Variants in NEDD4L observed in about 807,000 individuals in gnomAD.
NEDD4L encodes the protein NEDD4 like E3 ubiquitin protein ligase.
Under a neutral mutation model 148.9 loss-of-function variants are expected in NEDD4L, and 54 were observed. The observed-to-expected ratio is 0.36, with a 90% CI of 0.29 to 0.45. NEDD4L has a LOEUF of 0.45. Among genes scored for constraint, NEDD4L ranks in the 20% least tolerant of loss-of-function variants. The pLI is 1.00. For missense variants in NEDD4L, 856 were observed against 1,233.8 expected, an observed-to-expected ratio of 0.69 and a Z score of 4.59; for synonymous variants, 433 against 440.7, an observed-to-expected ratio of 0.98 and a Z score of 0.22.
In NEDD4L at chr18:58,399,033, C is replaced by A. The variant is rs889464664; in HGVS notation, c.*2764C>A. On this transcript the variant is annotated 3_prime_UTR_variant, in exon 31 of 31. Coordinates refer to ENST00000400345, the MANE Select transcript of NEDD4L (RefSeq NM_001144967.3). ...TGCTGAAGCTGTAGTTATTATGGGCCACTTACATGAGGCTGAGAAGTACGT... is the reference window on the plus strand; with the variant it reads ...TGCTGAAGCTGTAGTTATTATGGGCAACTTACATGAGGCTGAGAAGTACGT... 6.6e-6 allele frequency: 1 copy of A among 152,234 alleles called. No individual in the cohort carries two copies. The highest frequency in any genetic ancestry group is 2.4e-5 in the African/African-American group (1 of 41,444). 9.4% of individuals were successfully genotyped at this position (152,234 alleles called of 1,614,324 possible).
intron 1 of NEDD4L, among the ~76,000 whole-genome samples, chr18:58,062,434 G>A (rs558066493): frequency 6.6e-6 from 1 of 152,144 alleles, no homozygotes; most frequent in East Asian, 1.9e-4. Flanking sequence ...GAGCAAACAG[G>A]GCCTCAAGTT....
intron 2 of NEDD4L, among the ~76,000 whole-genome samples, chr18:58,218,288 G>A (rs1251401028): frequency 1.3e-5 from 2 of 152,180 alleles, no homozygotes; most frequent in African/African-American, 2.4e-5. Flanking sequence ...GTAGTCAACA[G>A]TATTGAGCAA....
rs147644149 is a variant in NEDD4L, at chr18:58,160,998, A to G, written c.49-4790A>G. 7.4e-3 allele frequency among the ~76,000 whole-genome samples: 1,125 copies of G among 151,958 alleles called. 9 individuals carry two copies. Among genetic ancestry groups the G allele is most frequent in the Middle Eastern group, 0.02 (6 of 294 alleles). On this transcript the variant is annotated intron_variant, in intron 1 of 30. Transcript: ENST00000400345. ...TTGTGAGTCACCTAAAAAATAACTC[A>G]TAGGGTTGTTTTTCTTTCTTTCTTT...
At chr18:58,298,420 A>G (rs1353446492) in intron 5 of NEDD4L, among the ~76,000 whole-genome samples, 3 of 152,216 alleles carry the variant, frequency 2.0e-5, no homozygotes, top group Admixed American at 1.3e-4. Flanking sequence ...TTTCCACTGC[A>G]CAATTAGGGC....
chr18:58,292,724 A>G (rs1003515999), intron 5 of NEDD4L, among the ~76,000 whole-genome samples: 1 of 152,224 alleles, frequency 6.6e-6, no homozygotes, highest in Non-Finnish European at 1.5e-5. Context: ...ACATGATTAA[A>G]TTCTCATCAG....
chr18:58,196,482 A>G (rs781621642), intron 2 of NEDD4L, among the ~76,000 whole-genome samples: 3 of 152,250 alleles, frequency 2.0e-5, no homozygotes, highest in Non-Finnish European at 4.4e-5. Context: ...AATGAGGTGC[A>G]TAATCATTAC....
chr18:58,275,770 A>G (rs942498859), intron 5 of NEDD4L, among the ~76,000 whole-genome samples: 2 of 150,190 alleles, frequency 1.3e-5, no homozygotes, highest in African/African-American at 4.9e-5. Flanking sequence ...AGGCATTTCA[A>G]TTGGAGAAGG....
chr18:58,274,927 T>G (rs1368378022), intron 5 of NEDD4L, among the ~76,000 whole-genome samples: 2 of 152,220 alleles, frequency 1.3e-5, no homozygotes, highest in Non-Finnish European at 2.9e-5. Flanking sequence ...CTGATTTAAC[T>G]AAGTTTGCTA....
chr18:58,234,122 C>CTTTCT (rs200704630), intron 2 of NEDD4L, among the ~76,000 whole-genome samples: 8 of 114,268 alleles, frequency 7.0e-5, no homozygotes, highest in Middle Eastern at 4.2e-3. Context: ...TTTTCTTTTC[C>CTTTCT]TTCTTTTTTT....
intron 1 of NEDD4L, among the ~76,000 whole-genome samples, chr18:58,063,949 C>CTTTTTTTTTTTTTTTTTTTTTT (rs58608106): frequency 1.5e-5 from 2 of 129,828 alleles, no homozygotes; most frequent in Non-Finnish European, 3.2e-5. Flanking sequence ...TATAATGTTT[C>CTTTTTTTTTTTTTTTTTTTTTT]TTTTTTTTTT....
At chr18:58,240,038 G>A (rs2046448524) in intron 2 of NEDD4L, among the ~76,000 whole-genome samples, 1 of 152,158 alleles carries the variant, frequency 6.6e-6, no homozygotes, top group Non-Finnish European at 1.5e-5. Context: ...AGGTGCCTGA[G>A]GATTTCCTGC....
At chr18:58,282,038 GCAAA>G (rs1438577829) in intron 5 of NEDD4L, among the ~76,000 whole-genome samples, 2 of 149,838 alleles carry the variant, frequency 1.3e-5, no homozygotes, top group Admixed American at 6.6e-5. Context: ...AAAAAAAAAA[GCAAA>G]CAAAATAACT....
intron 2 of NEDD4L, among the ~76,000 whole-genome samples, chr18:58,185,059 A>G (rs549421247): frequency 1.3e-5 from 2 of 152,348 alleles, no homozygotes; most frequent in East Asian, 3.9e-4. Context: ...CCAGGCGTGC[A>G]CGGCGTTAGT....
At chr18:58,167,761 C>T (rs1459447245) in intron 2 of NEDD4L, among the ~76,000 whole-genome samples, 15 of 152,082 alleles carry the variant, frequency 9.9e-5, no homozygotes, top group Admixed American at 9.8e-4. Flanking sequence ...CATTTGCATG[C>T]CAACCGGTAG....
intron 1 of NEDD4L, among the ~76,000 whole-genome samples, chr18:58,082,097 TATA>T (rs1422397578): frequency 1.0e-4 from 10 of 100,484 alleles, no homozygotes; most frequent in Middle Eastern, 4.2e-3. Flanking sequence ...TATATATATA[TATA>T]TATTTTTTTT....
At chr18:58,390,876 A>G (rs1031914366) in intron 29 of NEDD4L, 134 bp downstream of exon 29, 29 of 688,070 alleles carry the variant, frequency 4.2e-5, no homozygotes, top group Admixed American at 8.4e-5. Flanking sequence ...CATAGGTTCC[A>G]TGAAAGTTCA....
chr18:58,179,647 C>T (rs1292222357), intron 2 of NEDD4L, among the ~76,000 whole-genome samples: 1 of 152,020 alleles, frequency 6.6e-6, no homozygotes, highest in Non-Finnish European at 1.5e-5. Flanking sequence ...CTCATAGGAC[C>T]ATGAACCCTA....
intron 1 of NEDD4L, among the ~76,000 whole-genome samples, chr18:58,102,798 G>T (rs775701955): frequency 6.6e-6 from 1 of 152,152 alleles, no homozygotes; most frequent in Non-Finnish European, 1.5e-5. Context: ...GAGACTTGAG[G>T]ATCTGTGAAT....
intron 13 of NEDD4L, among the ~76,000 whole-genome samples, chr18:58,340,292 ACTGT>A (rs1017544503): frequency 6.6e-6 from 1 of 152,162 alleles, no homozygotes; most frequent in African/African-American, 2.4e-5. Flanking sequence ...TCAAATGTGG[ACTGT>A]CTAAATACAG....
Sources: allele counts gnomAD v4.1 joint callset (sites outside exome capture counted in the v4.1 genomes callset), GRCh38; gene constraint gnomAD v4.1.1; transcripts MANE v1.5; gene names NCBI Gene and HGNC (gene_info 2026-07-23, HGNC 2026-07-21).